ELMO1: variants seen among roughly 807,000 people sequenced by gnomAD.
ELMO1 encodes the protein engulfment and cell motility protein 1.
A neutral mutation model predicts 98.9 loss-of-function variants in ELMO1; 26 were observed. That is an observed-to-expected ratio of 0.26 (90% confidence interval 0.19 to 0.36). ELMO1 has a LOEUF of 0.36. ELMO1 is among the 10% of genes least tolerant of loss of function. The pLI, the probability that ELMO1 is intolerant of heterozygous loss-of-function variation, is 1.00. For missense variants in ELMO1, 627 were observed against 935.2 expected (o/e 0.67, Z 4.30); for synonymous variants, 346 against 346.0 (o/e 1.00, Z 0.00).
rs1786569209 is a variant in ELMO1, at chr7:36,936,752, C to T, written c.1438-41735G>A. ...TATAGGTGTAAGCCACCGAATCTGG[C>T]CCATTTTCTTCTTAAAGACCATTAA... On this transcript the variant is annotated intron_variant, in intron 16 of 21. Transcript: ENST00000310758. Among the ~76,000 whole-genome samples, 3 of 152,240 alleles carry T rather than the reference C, an allele frequency of 2.0e-5. No homozygotes were observed. In the South Asian group the frequency reaches 6.2e-4, roughly 32 times the overall value.
At chr7:37,403,567 AG>A (rs34666328) in intron 1 of ELMO1, among the ~76,000 whole-genome samples, 35,962 of 151,976 alleles carry the variant, frequency 0.24, 4,474 homozygotes, top group East Asian at 0.43. Flanking sequence ...TCTTTAAGAC[AG>A]GGGTCTCACT....
At chr7:37,066,402 G>T (rs34286271) in intron 15 of ELMO1, among the ~76,000 whole-genome samples, 5,321 of 152,226 alleles carry the variant, frequency 0.035, 108 homozygotes, top group Middle Eastern at 0.078. Context: ...CTCTCAGCAC[G>T]AAGTGATTCT....
At chr7:37,053,319 C>CAT (rs1352719511) in intron 15 of ELMO1, among the ~76,000 whole-genome samples, 1 of 150,768 alleles carries the variant, frequency 6.6e-6, no homozygotes, top group Admixed American at 6.6e-5. Context: ...CACACACACA[C>CAT]ACACACACAC....
At chr7:37,180,426 C>G (rs1468300367) in intron 13 of ELMO1, among the ~76,000 whole-genome samples, 1 of 152,114 alleles carries the variant, frequency 6.6e-6, no homozygotes, top group Non-Finnish European at 1.5e-5. Context: ...AGATGATGCA[C>G]AAAACCATGG....
At position 36,853,865 on chromosome 7, in the gene ELMO1, A is replaced by C. The variant is rs970572461; in HGVS notation, c.*1686T>G. 2.0e-5 allele frequency among the ~76,000 whole-genome samples: 3 copies of C among 152,224 alleles called. No individual in the cohort carries two copies. ...TAATGCCTCCAGTGCAAATGACTTA[A>C]GAAACATCCTTCGCTGGGCTCTGAC... On this transcript the variant is annotated 3_prime_UTR_variant, in exon 22 of 22. Transcript: ENST00000310758.
At chr7:37,440,768 C>CAAA (rs11440673) in intron 1 of ELMO1, among the ~76,000 whole-genome samples, 1 of 129,960 alleles carries the variant, frequency 7.7e-6, no homozygotes, top group Non-Finnish European at 1.6e-5. Flanking sequence ...GACTCCATCT[C>CAAA]AAAAAAAAAA....
intron 13 of ELMO1, among the ~76,000 whole-genome samples, chr7:37,140,444 C>A (rs546304219): frequency 2.3e-4 from 35 of 151,746 alleles, no homozygotes; most frequent in African/African-American, 8.4e-4. Context: ...GAAGATGACA[C>A]TGGAAAACCC....
intron 14 of ELMO1, among the ~76,000 whole-genome samples, chr7:37,122,435 G>C (rs1286621495): frequency 6.6e-6 from 1 of 152,182 alleles, no homozygotes; most frequent in Non-Finnish European, 1.5e-5. Context: ...TAAAGGGATG[G>C]AGGAAGATCT....
At chr7:37,314,638 A>G (rs1364345406) in intron 4 of ELMO1, among the ~76,000 whole-genome samples, 2 of 152,220 alleles carry the variant, frequency 1.3e-5, no homozygotes, top group Non-Finnish European at 2.9e-5. Context: ...TTGCTAAACA[A>G]GACACGAAAC....
At chr7:37,020,354 G>C (rs1272579172) in intron 15 of ELMO1, among the ~76,000 whole-genome samples, 2 of 152,146 alleles carry the variant, frequency 1.3e-5, no homozygotes, top group Non-Finnish European at 2.9e-5. Flanking sequence ...TTATTGACAG[G>C]ATGACTACAC....
At chr7:37,180,777 C>T (rs1322693318) in intron 13 of ELMO1, among the ~76,000 whole-genome samples, 1 of 150,558 alleles carries the variant, frequency 6.6e-6, no homozygotes, top group Non-Finnish European at 1.5e-5. Context: ...TGTATATATA[C>T]ACACACACAT....
chr7:36,934,359 G>T (rs1218829364), intron 16 of ELMO1, among the ~76,000 whole-genome samples: 1 of 152,214 alleles, frequency 6.6e-6, no homozygotes, highest in Non-Finnish European at 1.5e-5. Flanking sequence ...ATCTGCCTTT[G>T]CTTTGGCAGC....
intron 1 of ELMO1, among the ~76,000 whole-genome samples, chr7:37,437,085 A>C (rs1805182739): frequency 6.6e-6 from 1 of 152,212 alleles, no homozygotes; most frequent in South Asian, 2.1e-4. Context: ...GAATGGACCC[A>C]TTGAACCTCC....
chr7:37,014,165 T>TCTCCTC (rs151136717), intron 15 of ELMO1, among the ~76,000 whole-genome samples: 1 of 150,780 alleles, frequency 6.6e-6, no homozygotes, highest in Non-Finnish European at 1.5e-5. Flanking sequence ...TGGTCCCTAC[T>TCTCCTC]CTCCTCCTCC....
intron 1 of ELMO1, among the ~76,000 whole-genome samples, chr7:37,368,582 C>T (rs1801991473): frequency 6.6e-6 from 1 of 152,134 alleles, no homozygotes; most frequent in East Asian, 1.9e-4. Flanking sequence ...GACCCCACTC[C>T]CTAGGAATCT....
chr7:36,994,902 C>T (rs146580541), intron 16 of ELMO1, among the ~76,000 whole-genome samples: 1 of 152,282 alleles, frequency 6.6e-6, no homozygotes, highest in African/African-American at 2.4e-5. Flanking sequence ...AAAGCTGGCC[C>T]AAACCCAGGC....
chr7:37,132,057 T>C (rs904064407), intron 14 of ELMO1, among the ~76,000 whole-genome samples: 1 of 151,936 alleles, frequency 6.6e-6, no homozygotes, highest in Non-Finnish European at 1.5e-5. Context: ...TGCCAAATGC[T>C]CTCTAGGGGA....
At chr7:37,275,356 C>T (rs764289536) in intron 4 of ELMO1, among the ~76,000 whole-genome samples, 26 of 152,194 alleles carry the variant, frequency 1.7e-4, no homozygotes, top group Non-Finnish European at 3.5e-4. Context: ...AGGTTCACTC[C>T]TTCTTTTTTG....
chr7:37,324,082 C>T (rs565649096), intron 2 of ELMO1, among the ~76,000 whole-genome samples: 7 of 150,730 alleles, frequency 4.6e-5, no homozygotes, highest in Admixed American at 1.4e-4. Flanking sequence ...CCAGGAGACC[C>T]CCCAGCTGTC....
Sources: gnomAD v4.1 joint callset for allele counts (sites outside exome capture counted in the v4.1 genomes callset) on GRCh38, gnomAD v4.1.1 for gene constraint, MANE v1.5 for transcripts, NCBI Gene and HGNC (gene_info 2026-07-23, HGNC 2026-07-21) for gene names.